Variants in XRRA1 observed in about 807,000 individuals in gnomAD.
XRRA1 encodes X-ray radiation resistance-associated protein 1.
A neutral mutation model predicts 80.2 loss-of-function variants in XRRA1; 69 were observed. The observed-to-expected ratio is 0.86, with a 90% CI of 0.71 to 1.05. The LOEUF (loss-of-function observed/expected upper bound fraction) is 1.05. XRRA1 is among the 50% of genes least tolerant of loss of function. The probability of loss-of-function intolerance (pLI) is 0.00; values close to 1 mark genes in which losing one functional copy is unlikely to be tolerated. For synonymous variants in XRRA1, 348 were observed against 389.9 expected, an observed-to-expected ratio of 0.89 and a Z score of 1.27; for missense variants, 967 against 976.4, an observed-to-expected ratio of 0.99 and a Z score of 0.13.
Position 74,862,456 on chromosome 11 carries a change from A to G in XRRA1, c.1044+525T>C, listed in dbSNP as rs557577786. ...CTATTTATTGTAAATGAATAAATCA[A>G]TATTTGGTTTACATGTACCAGTCCC... On this transcript the variant is annotated intron_variant, in intron 11 of 18. Coordinates refer to ENST00000684022, the MANE Select transcript of XRRA1 (RefSeq NM_001378157.1). 4.6e-5 allele frequency among the ~76,000 whole-genome samples: 7 copies of G among 152,352 alleles called. No individual in the cohort carries two copies. The South Asian group carries it at 1.2e-3, about 27-fold the overall frequency.
chr11:74,926,166 A>G (rs183431108), intron 7 of XRRA1, among the ~76,000 whole-genome samples: 1 of 152,180 alleles, frequency 6.6e-6, no homozygotes. Flanking sequence ...ATGACTTGAG[A>G]CCATGGAGAG....
chr11:74,908,832 A>G (rs1225990341), intron 8 of XRRA1, among the ~76,000 whole-genome samples: 1 of 152,198 alleles, frequency 6.6e-6, no homozygotes, highest in Non-Finnish European at 1.5e-5. Context: ...AGGGAAAAAA[A>G]TAATCTCTTC....
rs542425162 is a variant in XRRA1, at chr11:74,874,443, C to T, written c.1004-11422G>A. On this transcript the variant is annotated intron_variant, in intron 10 of 18. Coordinates refer to ENST00000684022, the MANE Select transcript of XRRA1 (RefSeq NM_001378157.1). ...GGCCCTGGGAGTTTTAACTCAAGCCCGAGGACCAGCTCAACAGCCAGTGGG... is the reference window on the plus strand; with the variant it reads ...GGCCCTGGGAGTTTTAACTCAAGCCTGAGGACCAGCTCAACAGCCAGTGGG... Among the ~76,000 whole-genome samples the T allele has an allele frequency of 3.9e-5, 6 of 152,018 alleles. No homozygotes were observed. The South Asian group carries it at 8.3e-4, about 21-fold the overall frequency.
intron 10 of XRRA1, among the ~76,000 whole-genome samples, chr11:74,894,547 T>C (rs2051720383): frequency 1.3e-5 from 2 of 152,176 alleles, no homozygotes; most frequent in Admixed American, 6.5e-5. Flanking sequence ...AGGCACCTTC[T>C]TCACAAGGTG....
intron 14 of XRRA1, among the ~76,000 whole-genome samples, chr11:74,850,553 G>A (rs557278588): frequency 2.6e-5 from 4 of 152,274 alleles, no homozygotes; most frequent in East Asian, 1.9e-4. Flanking sequence ...CAGGAGGGAG[G>A]AGCATTTCAC....
intron 6 of XRRA1, 128 bp from the exon 7 acceptor site, chr11:74,927,616 G>T: frequency 1.8e-6 from 1 of 545,136 alleles, no homozygotes. Flanking sequence ...TTACATACAT[G>T]GCCTCTAAAT....
At chr11:74,879,607 T>C (rs2046976799) in intron 10 of XRRA1, among the ~76,000 whole-genome samples, 1 of 152,148 alleles carries the variant, frequency 6.6e-6, no homozygotes, top group East Asian at 1.9e-4. Context: ...GGGTTTGTCA[T>C]AGATAGCTCT....
intron 7 of XRRA1, among the ~76,000 whole-genome samples, chr11:74,924,266 G>T (rs1941667882): frequency 6.7e-6 from 1 of 149,994 alleles, no homozygotes; most frequent in African/African-American, 2.4e-5. Context: ...ACGAGGTCAG[G>T]AGATCGAGAC....
chr11:74,941,427 TAGAG>T (rs1463401474), intron 2 of XRRA1, among the ~76,000 whole-genome samples: 3 of 152,088 alleles, frequency 2.0e-5, no homozygotes, highest in Admixed American at 6.6e-5. Context: ...AGTTTTCTGA[TAGAG>T]AGAAGGATAA....
rs2040012579 is a variant in XRRA1, at chr11:74,852,091, A to G, written c.1171-9T>C. The G allele has an allele frequency of 1.2e-6, 2 of 1,611,964 alleles. No homozygotes were observed. The highest frequency in any genetic ancestry group is 1.7e-6 in the Non-Finnish European group (2 of 1,178,208). ...GCATCCTCTTTTGCGATCTGTAATG[A>G]ATGCAGGAGAGACTCTCAGGTTGAC... On this transcript the variant is annotated splice_polypyrimidine_tract_variant and intron_variant, in intron 12 of 18. Coordinates refer to ENST00000684022, the MANE Select transcript of XRRA1 (RefSeq NM_001378157.1).
chr11:74,885,442 T>C (rs2048792483), intron 10 of XRRA1, among the ~76,000 whole-genome samples: 1 of 152,106 alleles, frequency 6.6e-6, no homozygotes, highest in Non-Finnish European at 1.5e-5. Context: ...CAGAGACTAC[T>C]ACGAACATAC....
chr11:74,885,193 G>A (rs1369239384), intron 10 of XRRA1, among the ~76,000 whole-genome samples: 1 of 152,190 alleles, frequency 6.6e-6, no homozygotes, highest in African/African-American at 2.4e-5. Context: ...GAGTATGGGA[G>A]GTTGAGGCTG....
chr11:74,931,360 TG>T (rs1479796212), intron 5 of XRRA1, among the ~76,000 whole-genome samples: 3 of 151,780 alleles, frequency 2.0e-5, no homozygotes, highest in African/African-American at 7.3e-5. Context: ...AGTCTCGCTC[TG>T]TCACTCAGGC....
intron 10 of XRRA1, among the ~76,000 whole-genome samples, chr11:74,884,672 G>T (rs1042237134): frequency 2.0e-5 from 3 of 152,088 alleles, no homozygotes; most frequent in African/African-American, 7.2e-5. Context: ...CTCACTCTTT[G>T]TGTGTCCATA....
At chr11:74,871,726 A>G (rs2044828501) in intron 10 of XRRA1, among the ~76,000 whole-genome samples, 1 of 152,126 alleles carries the variant, frequency 6.6e-6, no homozygotes. Flanking sequence ...CCTGCAGGAA[A>G]TGACCAATGG....
In XRRA1 at chr11:74,940,309, T is replaced by A. The variant is rs917921112; in HGVS notation, c.94+476A>T. Among the ~76,000 whole-genome samples, 18 of 152,196 alleles carry A rather than the reference T, an allele frequency of 1.2e-4. No individual in the cohort carries two copies. The East Asian group carries it at 1.4e-3, about 11-fold the overall frequency. On this transcript the variant is annotated intron_variant, in intron 3 of 18. Coordinates refer to ENST00000684022, the MANE Select transcript of XRRA1 (RefSeq NM_001378157.1). ...CCATGATCACTCATCAAATAAGAAA[T>A]ACAGACAGGAAGACAGCTCACGAGA...
chr11:74,852,494 C>A (rs928672260), intron 12 of XRRA1, among the ~76,000 whole-genome samples: 1 of 152,172 alleles, frequency 6.6e-6, no homozygotes, highest in Non-Finnish European at 1.5e-5. Flanking sequence ...CTTCAGGATA[C>A]AATTTGACAC....
chr11:74,852,860 G>A (rs946623629), intron 12 of XRRA1, among the ~76,000 whole-genome samples: 4 of 152,178 alleles, frequency 2.6e-5, no homozygotes, highest in African/African-American at 9.6e-5. Context: ...GGCAGTGGCC[G>A]ATCAGACCCC....
chr11:74,881,139 GGTGCTCCTGTATTGGGT>G (rs2047459598), intron 10 of XRRA1, among the ~76,000 whole-genome samples: 1 of 148,346 alleles, frequency 6.7e-6, no homozygotes, highest in African/African-American at 2.5e-5. Context: ...TATGAATCTT[GGTGCTCCTGTATTGGGT>G]GCATATATAT....
Sources: allele counts gnomAD v4.1 joint callset (sites outside exome capture counted in the v4.1 genomes callset), GRCh38; gene constraint gnomAD v4.1.1; transcripts MANE v1.5; gene names NCBI Gene and HGNC (gene_info 2026-07-23, HGNC 2026-07-21).